The following CACNA1F variants were observed in gnomAD, a reference collection of about 807,000 sequenced individuals.
The protein encoded by CACNA1F is voltage-dependent L-type calcium channel subunit alpha-1F.
CACNA1F carries 59 observed loss-of-function variants against 143.8 expected under a neutral mutation model. The observed-to-expected ratio is 0.41, with a 90% confidence interval of 0.33 to 0.51. The LOEUF (loss-of-function observed/expected upper bound fraction) is 0.51, where lower values mean the gene tolerates loss of function less well. Among genes scored for constraint, CACNA1F ranks in the 20% least tolerant of loss-of-function variants. The pLI is 0.22. For missense variants in CACNA1F, 1,411 were observed against 1,647.5 expected (o/e 0.86, Z 2.48); for synonymous variants, 643 against 649.1 (o/e 0.99, Z 0.14).
At chrX:49,217,577 G>A (rs979150777) in intron 26 of CACNA1F, among the ~76,000 whole-genome samples, 178 bp downstream of exon 26, 2 of 110,213 alleles carry the variant, frequency 1.8e-5, no homozygotes, top group Admixed American at 1.9e-4. Flanking sequence ...TGGGGAATGC[G>A]GAGAGGGATT....
chrX:49,226,859 G>C, intron 9 of CACNA1F, 111 bp downstream of exon 9: 12 of 1,080,004 alleles, frequency 1.1e-5, no homozygotes, highest in Non-Finnish European at 1.5e-5. Context: ...AGTTGTTGCA[G>C]ATCAGGCCTG....
rs187793423 is a variant in CACNA1F at position 49,206,975 on chromosome X, G to A, written c.5231+30C>T. 193 of 1,118,308 alleles carry A rather than the reference G, an allele frequency of 1.7e-4. 2 individuals are homozygous for A. In the African/African-American group the frequency reaches 3.3e-3, roughly 19 times the overall value. 92.2% of individuals were successfully genotyped at this position (1,118,308 alleles called of 1,213,427 possible). A position where few individuals can be genotyped will look rare whatever the true frequency, so the allele number is the denominator to read the frequency against. ...CACCCCTCCTCCACCCCAGCTCATG[G>A]GTTCATCCCATGTGGCATGGCCAGT... On this transcript the variant is annotated intron_variant, in intron 44 of 47. Coordinates refer to ENST00000323022, the MANE Select transcript of CACNA1F (RefSeq NM_001256789.3).
At chrX:49,210,510 A>T in intron 38 of CACNA1F, 80 bp downstream of exon 38, 1 of 1,043,557 alleles carries the variant, frequency 9.6e-7, no homozygotes, top group Non-Finnish European at 1.3e-6. Flanking sequence ...ACCCCTCCCC[A>T]CCCAAGGCAG....
chrX:49,218,017 CA>C lies in CACNA1F; in HGVS notation c.2929-13del, dbSNP rs1557107847. 4 of 1,151,963 alleles carry C rather than the reference CA, an allele frequency of 3.5e-6. No homozygotes were observed. The highest frequency in any genetic ancestry group is 4.7e-6 in the Non-Finnish European group (4 of 842,462). The allele number at this position is 1,151,963 out of a possible 1,213,427, so 94.9% of individuals were successfully genotyped here. On this transcript the variant is annotated splice_polypyrimidine_tract_variant and intron_variant, in intron 24 of 47. Transcript: ENST00000323022. Reference sequence around the variant, plus strand: ...CACTGCACCACATGCTGCGGGCACCCAAGCATATGGCTACTGAACACTACAG... The same window carrying C: ...CACTGCACCACATGCTGCGGGCACCCAGCATATGGCTACTGAACACTACAG...
At chrX:49,211,855 G>A (rs1557106325) in intron 35 of CACNA1F, 43 bp downstream of exon 35, 2 of 1,072,785 alleles carry the variant, frequency 1.9e-6, no homozygotes, top group South Asian at 3.7e-5. Flanking sequence ...GGGTGGGTGG[G>A]CACCCACGGG....
In CACNA1F at chrX:49,215,518, A is replaced by G. The variant is rs1557107213; in HGVS notation, c.3262T>C (p.Tyr1088His). 1 of 1,182,637 alleles carries G rather than the reference A, an allele frequency of 8.5e-7. No individual in the cohort carries two copies. The highest frequency in any genetic ancestry group is 1.1e-6 in the Non-Finnish European group (1 of 878,343). The change falls in exon 28 of 48, where the codon TAT becomes CAT. Residue 1088 changes from tyrosine to histidine, a missense_variant. This residue lies in a region of CACNA1F where 950 missense variants were observed against 1,128.1 expected (regional missense o/e 0.84). Transcript: ENST00000323022. The stretch of plus-strand genomic sequence containing the variant: ...TAGATGGGGCCGTGGTCCTCTGCAT[A>G]TGCATCGATGGCCTTGTATAGCAGT... ...PALLYKAIDA[Y>H]AEDHGPIYNY... is the part of the protein sequence containing the mutation.
rs1557104920 is a variant in CACNA1F, at chrX:49,206,578, C to T, written c.5405G>A (p.Ser1802Asn). Residue 1802 changes from serine (S) to asparagine (N), a missense_variant, in exon 46 of 48, where the codon AGT (serine) becomes AAT (asparagine). Physicochemically the swap from Ser to Asn is conservative, Grantham distance 46 (BLOSUM62 1). Transcript: ENST00000323022. ...FTIQCLQRQGSCEDLPIPGTY... is the reference protein window; with the variant it reads ...FTIQCLQRQGNCEDLPIPGTY... ...GCCTGGGATGGGTAAATCCTCACAA[C>T]TGCCCTGGCGCTGCAGACACTGGAT... is the stretch of plus-strand genomic sequence containing the variant. 3 of 1,210,841 alleles carry T rather than the reference C, an allele frequency of 2.5e-6. No individual in the cohort carries two copies. The highest frequency in any genetic ancestry group is 1.8e-5 in the South Asian group (1 of 56,918).
At chrX:49,206,685 C>T in intron 45 of CACNA1F, 43 bp downstream of exon 45, 1 of 1,207,148 alleles carries the variant, frequency 8.3e-7, no homozygotes, top group East Asian at 3.0e-5. Context: ...GATCTCTGTC[C>T]TGCAGGCCCG....
intron 2 of CACNA1F, 95 bp downstream of exon 2, chrX:49,231,583 C>T: frequency 9.2e-7 from 1 of 1,085,817 alleles, no homozygotes; most frequent in African/African-American, 1.8e-5. Context: ...CCTTGATGAT[C>T]TCAGCCCTCC....
rs782683983 is a variant in CACNA1F at position 49,224,747 on chromosome X, C to A, written c.1877+14G>T. On this transcript the variant is annotated intron_variant, in intron 14 of 47. Transcript: ENST00000323022. ...TGTTTGAGGCCCTTGTCTTCCCCCT[C>A]CCCTAATACAAACCTGGTGACCTTA... 9.1e-7 allele frequency: 1 copy of A among 1,096,946 alleles called. No individual in the cohort carries two copies. The highest frequency in any genetic ancestry group is 2.0e-5 in the South Asian group (1 of 51,186). 90.4% of individuals were successfully genotyped at this position (1,096,946 alleles called of 1,213,427 possible). A position where few individuals can be genotyped will look rare whatever the true frequency, so the allele number is the denominator to read the frequency against.
In CACNA1F at chrX:49,219,213, C is replaced by T. The variant is rs1015963301; in HGVS notation, c.2673+108G>A. The T allele has an allele frequency of 8.3e-5, 72 of 867,624 alleles. No homozygotes were observed. In the East Asian group the frequency reaches 2.0e-3, roughly 24 times the overall value. 71.5% of individuals were successfully genotyped at this position (867,624 alleles called of 1,213,427 possible). ...CAGCTGCGTTAATGAGCCCCTCTCT[C>T]GGCTCACCTAGGGCTCTTCTCCTTA... On this transcript the variant is annotated intron_variant, in intron 21 of 47. Coordinates refer to ENST00000323022, the MANE Select transcript of CACNA1F (RefSeq NM_001256789.3).
At chrX:49,222,324 C>T in intron 17 of CACNA1F, 198 bp downstream of exon 17, 1 of 453,029 alleles carries the variant, frequency 2.2e-6, no homozygotes, top group Admixed American at 3.3e-5. Context: ...CCTGTTGTCT[C>T]CTCAGCATCT....
At chrX:49,208,428 CCT>C in intron 43 of CACNA1F, 85 bp downstream of exon 43, 1 of 560,686 alleles carries the variant, frequency 1.8e-6, no homozygotes, top group Non-Finnish European at 2.9e-6. Flanking sequence ...CTCCCACCCC[CCT>C]CAACTTCCTG....
chrX:49,206,429 A>G (rs1602620914), intron 46 of CACNA1F, 82 bp downstream of exon 46: 2 of 458,791 alleles, frequency 4.4e-6, no homozygotes, highest in East Asian at 8.6e-5. Flanking sequence ...AGGGCCTGAT[A>G]TGTGCTGTGT....
chrX:49,220,176 C>T (rs1246224586), intron 19 of CACNA1F, among the ~76,000 whole-genome samples: 1 of 112,075 alleles, frequency 8.9e-6, no homozygotes, highest in Non-Finnish European at 1.9e-5. Context: ...CTTCTGGGCT[C>T]AAGCAATCCT....
Position 49,226,047 on chromosome X carries a change from G to A in CACNA1F, c.1513C>T (p.Arg505Trp), listed in dbSNP as rs782202134. The change falls in exon 13 of 48, where the codon CGG becomes TGG. Residue 505 changes from arginine to tryptophan, a missense_variant. By Grantham distance (101) the Arg-to-Trp change is moderately radical. Around this residue, in one of 3 missense-constraint regions of CACNA1F, gnomAD observed 950 missense variants for 1,128.1 expected, o/e 0.84. Transcript: ENST00000323022. ...RVCRRLRRAN[R>W]VLRARCRRAV... is the part of the protein sequence containing the mutation. ...CGACGGCAGCGTGCCCGAAGGACCC[G>A]GTTGGCTCGGCGGAGGCGGCGGCTG... 1.0e-5 allele frequency: 12 copies of A among 1,191,659 alleles called. No individual in the cohort carries two copies. Among genetic ancestry groups the A allele is most frequent in the African/African-American group, 1.7e-5 (1 of 57,249 alleles).
chrX:49,230,292 T>A lies in CACNA1F; in HGVS notation c.745A>T (p.Ile249Phe). The A allele has an allele frequency of 1.7e-6, 2 of 1,207,196 alleles. No individual in the cohort carries two copies. Among genetic ancestry groups the A allele is most frequent in the South Asian group, 3.6e-5 (2 of 56,217 alleles). Residue 249 changes from isoleucine (I) to phenylalanine (F), a missense_variant, in exon 6 of 48, where the codon ATC becomes TTC. Around this residue, in one of 3 missense-constraint regions of CACNA1F, gnomAD observed 950 missense variants for 1,128.1 expected, o/e 0.84. Coordinates refer to ENST00000323022, the MANE Select transcript of CACNA1F (RefSeq NM_001256789.3). ...TCGAGCCCAATGATGGCATAAATGA[T>A]GATGACGAAGAGCACGAGCAGTGCA... ...HIALLVLFVI[I>F]IYAIIGLELF...
Position 49,208,580 on chromosome X carries a change from A to C in CACNA1F, c.5058T>G (p.Asp1686Glu), listed in dbSNP as rs375185090. ...TGGAGGTGGGAGTCCCCCTGTCATC[A>C]TCACTGGGCCCAAAGGAGAGTGAAT... The part of the protein sequence containing the change: ...LPDSLSFGPS[D>E]DDRGTPTSSQ... The change falls in exon 43 of 48, where the codon GAT becomes GAG. Residue 1686 changes from aspartate (D) to glutamate (E), a missense_variant. This residue lies in a region of CACNA1F where 349 missense variants were observed against 350.2 expected (regional missense o/e 1.00). Coordinates refer to ENST00000323022, the MANE Select transcript of CACNA1F (RefSeq NM_001256789.3). The C allele has an allele frequency of 1.7e-6, 2 of 1,210,678 alleles. No individual in the cohort carries two copies. The highest frequency in any genetic ancestry group is 2.2e-6 in the Non-Finnish European group (2 of 894,815).
At chrX:49,226,290 G>A (rs781940852) in intron 11 of CACNA1F, 47 bp from the exon 12 acceptor site, 8 of 1,136,710 alleles carry the variant, frequency 7.0e-6, no homozygotes, top group Middle Eastern at 4.9e-4. Context: ...AGGGCAGAAG[G>A]GGTGTCAGTG....
Sources: allele counts gnomAD v4.1 joint callset (sites outside exome capture counted in the v4.1 genomes callset), GRCh38; gene constraint gnomAD v4.1.1; regional missense constraint gnomAD v4.1.1; transcripts MANE v1.5; gene names NCBI Gene and HGNC (gene_info 2026-07-23, HGNC 2026-07-21).